HEMK2: variants seen among roughly 807,000 people sequenced by gnomAD.
The protein encoded by HEMK2 is methyltransferase HEMK2.
the HEMK2 span, among the ~76,000 whole-genome samples, chr21:28,641,046 T>A: frequency 2.0e-5 from 3 of 152,238 alleles, no homozygotes; most frequent in African/African-American, 7.2e-5. Flanking sequence ...GACTAGTGCC[T>A]CTTTGTTATT....
the HEMK2 span, among the ~76,000 whole-genome samples, chr21:28,754,852 G>T: frequency 1.2e-4 from 18 of 152,312 alleles, no homozygotes; most frequent in East Asian, 3.3e-3. Context: ...AAAGCGTTAA[G>T]ACCTTTCCTG....
the HEMK2 span, among the ~76,000 whole-genome samples, chr21:28,831,547 GAAGGA>G: frequency 1.2e-5 from 1 of 82,210 alleles, no homozygotes; most frequent in Non-Finnish European, 2.2e-5. Context: ...AAGAAGGAAA[GAAGGA>G]AAGAAGGAAA....
At chr21:28,678,958 C>T in the HEMK2 span, among the ~76,000 whole-genome samples, 1 of 152,148 alleles carries the variant, frequency 6.6e-6, no homozygotes, top group African/African-American at 2.4e-5. Context: ...TTGTAAAGAC[C>T]ATCAAGGCTA....
chr21:28,767,547 A>G, the HEMK2 span, among the ~76,000 whole-genome samples: 1 of 148,914 alleles, frequency 6.7e-6, no homozygotes, highest in East Asian at 2.0e-4. Flanking sequence ...GTCGTTAAAC[A>G]ATTGGCAAGA....
the HEMK2 span, among the ~76,000 whole-genome samples, chr21:28,588,539 T>C: frequency 6.6e-6 from 1 of 152,134 alleles, no homozygotes; most frequent in Admixed American, 6.5e-5. Flanking sequence ...GATCAGATTG[T>C]TGGGGTGGAG....
chr21:28,668,761 G>C, the HEMK2 span, among the ~76,000 whole-genome samples: 1 of 152,166 alleles, frequency 6.6e-6, no homozygotes, highest in Non-Finnish European at 1.5e-5. Flanking sequence ...GTGTATTAGT[G>C]ATATAGGTCT....
chr21:28,703,302 C>A, the HEMK2 span, among the ~76,000 whole-genome samples: 2 of 141,016 alleles, frequency 1.4e-5, no homozygotes, highest in African/African-American at 5.7e-5. Context: ...ACATGTACCC[C>A]TGAAACTAAA....
At chr21:28,708,120 G>A in the HEMK2 span, among the ~76,000 whole-genome samples, 3 of 151,944 alleles carry the variant, frequency 2.0e-5, no homozygotes, top group Non-Finnish European at 4.4e-5. Flanking sequence ...CAAAATTCCA[G>A]ATTCCATGAT....
chr21:28,652,871 A>G, the HEMK2 span, among the ~76,000 whole-genome samples: 1 of 152,110 alleles, frequency 6.6e-6, no homozygotes, highest in Non-Finnish European at 1.5e-5. Flanking sequence ...ATTGCTCATT[A>G]GCCTAAGATA....
the HEMK2 span, chr21:28,876,541 C>G: frequency 2.5e-6 from 3 of 1,176,796 alleles, no homozygotes; most frequent in South Asian, 4.3e-5. Flanking sequence ...TGGTAGTGTG[C>G]ATGATCAATA....
the HEMK2 span, chr21:28,876,137 A>T: frequency 7.0e-6 from 2 of 286,222 alleles, no homozygotes; most frequent in Non-Finnish European, 1.3e-5. Context: ...GCCTTACCAC[A>T]TAATGCTGAA....
chr21:28,871,492 A>C, the HEMK2 span, among the ~76,000 whole-genome samples: 1 of 152,162 alleles, frequency 6.6e-6, no homozygotes, highest in East Asian at 1.9e-4. Context: ...CTCCAATACT[A>C]GGGGATTAAA....
At chr21:28,705,172 T>C in the HEMK2 span, among the ~76,000 whole-genome samples, 2 of 152,316 alleles carry the variant, frequency 1.3e-5, no homozygotes, top group Non-Finnish European at 2.9e-5. Context: ...ACCACTATCA[T>C]ACTACTAGAT....
chr21:28,801,865 G>T, the HEMK2 span, among the ~76,000 whole-genome samples: 3 of 152,104 alleles, frequency 2.0e-5, no homozygotes, highest in East Asian at 1.9e-4. Context: ...AACAAAAAAA[G>T]AATCCAAAAA....
chr21:28,641,902 G>A, the HEMK2 span, among the ~76,000 whole-genome samples: 1 of 152,148 alleles, frequency 6.6e-6, no homozygotes, highest in African/African-American at 2.4e-5. Context: ...TTATCTTTCT[G>A]GATCTCTGTC....
At chr21:28,853,857 C>T in the HEMK2 span, among the ~76,000 whole-genome samples, 1 of 152,222 alleles carries the variant, frequency 6.6e-6, no homozygotes, top group African/African-American at 2.4e-5. Context: ...CACACATCCC[C>T]ATTTCAAGTT....
chr21:28,847,966 T>C, the HEMK2 span, among the ~76,000 whole-genome samples: 6 of 152,224 alleles, frequency 3.9e-5, no homozygotes, highest in Admixed American at 3.3e-4. Flanking sequence ...CTCTAACCTG[T>C]TCCATTGGTC....
the HEMK2 span, among the ~76,000 whole-genome samples, chr21:28,870,188 A>C: frequency 6.7e-6 from 1 of 149,554 alleles, no homozygotes; most frequent in South Asian, 2.1e-4. Flanking sequence ...TTTGTTGTAG[A>C]CACAGGTTAA....
At chr21:28,715,344 T>TG in the HEMK2 span, among the ~76,000 whole-genome samples, 4 of 152,150 alleles carry the variant, frequency 2.6e-5, no homozygotes, top group Non-Finnish European at 5.9e-5. Flanking sequence ...GTCTGACTGA[T>TG]GCAAGATGGT....
Sources: gnomAD v4.1 joint callset for allele counts (sites outside exome capture counted in the v4.1 genomes callset) on GRCh38, gnomAD v4.1.1 for gene constraint, MANE v1.5 for transcripts, NCBI Gene and HGNC (gene_info 2026-07-23, HGNC 2026-07-21) for gene names.